Variants in IMMP2L observed in about 807,000 individuals in gnomAD.
IMMP2L encodes inner mitochondrial membrane peptidase subunit 2, also known as mitochondrial inner membrane protease subunit 2.
In IMMP2L, 18 loss-of-function variants were observed where a neutral mutation model predicts 19.3. The observed-to-expected ratio is 0.93, with a 90% CI of 0.64 to 1.38. IMMP2L has a LOEUF of 1.38. Ranked by LOEUF, IMMP2L falls within the 40% of genes most tolerant of loss-of-function variation. The pLI is 0.00. For synonymous variants in IMMP2L, 76 were observed against 73.0 expected, an observed-to-expected ratio of 1.04 and a Z score of -0.21; for missense variants, 233 against 218.2, an observed-to-expected ratio of 1.07 and a Z score of -0.43.
intron 5 of IMMP2L, among the ~76,000 whole-genome samples, chr7:110,856,741 C>T (rs903552564): frequency 3.3e-5 from 5 of 151,856 alleles, no homozygotes; most frequent in African/African-American, 4.8e-5. Flanking sequence ...GAATTGTTAC[C>T]GATTAACCAA....
intron 3 of IMMP2L, among the ~76,000 whole-genome samples, chr7:111,179,156 C>T (rs1807417082): frequency 6.6e-6 from 1 of 151,886 alleles, no homozygotes; most frequent in Non-Finnish European, 1.5e-5. Context: ...TCCTTCAGAG[C>T]TCTTAGATGA....
intron 3 of IMMP2L, among the ~76,000 whole-genome samples, chr7:111,403,368 T>C (rs1833636500): frequency 1.3e-5 from 2 of 152,012 alleles, no homozygotes; most frequent in Admixed American, 1.3e-4. Context: ...TGTAAGTCAA[T>C]TGAACCTCTT....
chr7:110,945,450 C>T (rs1023100087), intron 4 of IMMP2L, among the ~76,000 whole-genome samples: 1 of 151,842 alleles, frequency 6.6e-6, no homozygotes, highest in East Asian at 1.9e-4. Context: ...CTTGCACTTT[C>T]CCTTTTTGGG....
At chr7:111,198,238 T>C (rs905288404) in intron 3 of IMMP2L, among the ~76,000 whole-genome samples, 1 of 152,208 alleles carries the variant, frequency 6.6e-6, no homozygotes, top group Admixed American at 6.5e-5. Flanking sequence ...GGCTGAAGTT[T>C]TGATCTGATG....
intron 3 of IMMP2L, among the ~76,000 whole-genome samples, chr7:111,345,998 T>A (rs933009513): frequency 6.6e-6 from 1 of 152,194 alleles, no homozygotes; most frequent in African/African-American, 2.4e-5. Flanking sequence ...TAAATAGCTA[T>A]AGCTTATTCA....
At chr7:111,315,815 C>G (rs1322452882) in intron 3 of IMMP2L, among the ~76,000 whole-genome samples, 1 of 150,208 alleles carries the variant, frequency 6.7e-6, no homozygotes, top group Non-Finnish European at 1.5e-5. Context: ...TAAAAAAAAA[C>G]TTACTCTGGC....
intron 3 of IMMP2L, among the ~76,000 whole-genome samples, chr7:111,412,753 A>G (rs948151362): frequency 2.0e-4 from 30 of 151,822 alleles, no homozygotes; most frequent in Non-Finnish European, 7.4e-5. Context: ...TGGGAGACAG[A>G]ATTATTAATT....
intron 5 of IMMP2L, among the ~76,000 whole-genome samples, chr7:110,736,110 G>A (rs981106097): frequency 2.0e-5 from 3 of 152,068 alleles, no homozygotes; most frequent in Non-Finnish European, 2.9e-5. Flanking sequence ...GTAGGCCCAG[G>A]TGCAGCTTGG....
intron 3 of IMMP2L, among the ~76,000 whole-genome samples, chr7:111,009,447 T>C (rs1185416662): frequency 1.3e-5 from 2 of 152,042 alleles, no homozygotes; most frequent in African/African-American, 4.8e-5. Context: ...GGGCAGAAAT[T>C]GTATTGCTCA....
At chr7:111,304,500 TATATATATAAAATGTGTATATATAC>T in intron 3 of IMMP2L, among the ~76,000 whole-genome samples, 1 of 152,100 alleles carries the variant, frequency 6.6e-6, no homozygotes, top group East Asian at 1.9e-4. Context: ...CATAGGTGTG[TATATATATAAAATGTGTATATATAC>T]ATATATATAA....
rs538699260 is a variant in IMMP2L, at chr7:111,225,215, A to C, written c.240-261650T>G. Among the ~76,000 whole-genome samples the C allele has an allele frequency of 1.6e-4, 24 of 152,246 alleles. No homozygotes were observed. The South Asian group carries it at 4.4e-3, about 28-fold the overall frequency. ...AAACAACTGACAGTATTCATTACCA[A>C]TGATAACATTAAAGCTTTCAAGCAA... On this transcript the variant is annotated intron_variant, in intron 3 of 5. Coordinates refer to ENST00000405709, the MANE Select transcript of IMMP2L (RefSeq NM_032549.4).
chr7:110,750,650 C>T (rs1219754715), intron 5 of IMMP2L, among the ~76,000 whole-genome samples: 1 of 151,926 alleles, frequency 6.6e-6, no homozygotes, highest in African/African-American at 2.4e-5. Flanking sequence ...TAAATGCTGA[C>T]AAAATTGTAA....
At position 110,758,926 on chromosome 7, in the gene IMMP2L, G is replaced by A. The variant is rs556996321; in HGVS notation, c.409-95205C>T. The stretch of plus-strand genomic sequence containing the variant: ...ATGAAAAGTGCTTATAGACAGAGAC[G>A]TCTAGAAATGACCAGTGGAGATCTT... On this transcript the variant is annotated intron_variant, in intron 5 of 5. Coordinates refer to ENST00000405709, the MANE Select transcript of IMMP2L (RefSeq NM_032549.4). The surrounding 1 kb of genome is among the most constrained non-coding windows in gnomAD (Gnocchi z 4.6). Among the ~76,000 whole-genome samples the A allele has an allele frequency of 4.6e-5, 7 of 152,228 alleles. No homozygotes were observed. Among genetic ancestry groups the A allele is most frequent in the South Asian group, 2.1e-4 (1 of 4,826 alleles).
intron 4 of IMMP2L, among the ~76,000 whole-genome samples, chr7:110,933,603 G>A (rs948082806): frequency 9.2e-5 from 14 of 152,130 alleles, no homozygotes; most frequent in African/African-American, 2.2e-4. Context: ...TGCTTTATGC[G>A]TTTCATCATT....
intron 4 of IMMP2L, among the ~76,000 whole-genome samples, chr7:110,918,452 C>CTTTTTT (rs1029668134): frequency 6.9e-5 from 9 of 130,468 alleles, no homozygotes; most frequent in Admixed American, 1.6e-4. Context: ...TTCTTTTTTT[C>CTTTTTT]TTTTTTTTTT....
intron 3 of IMMP2L, among the ~76,000 whole-genome samples, chr7:111,379,372 T>C (rs1392015952): frequency 6.6e-6 from 1 of 151,840 alleles, no homozygotes; most frequent in East Asian, 1.9e-4. Flanking sequence ...ATATGTATTA[T>C]GCAAGATAAT....
chr7:111,124,661 T>G (rs371192203), intron 3 of IMMP2L: 5 of 1,613,846 alleles, frequency 3.1e-6, no homozygotes, highest in Non-Finnish European at 4.2e-6. Context: ...ACAACACTTA[T>G]GGCCTGTCTT....
At chr7:110,669,899 A>G (rs985927068) in intron 5 of IMMP2L, among the ~76,000 whole-genome samples, 1 of 152,292 alleles carries the variant, frequency 6.6e-6, no homozygotes, top group East Asian at 1.9e-4. Context: ...ACAAATAAGA[A>G]TATAGTTGCC....
At chr7:111,465,280 T>C (rs1411623598) in intron 3 of IMMP2L, among the ~76,000 whole-genome samples, 1 of 151,742 alleles carries the variant, frequency 6.6e-6, no homozygotes, top group South Asian at 2.1e-4. Context: ...TTCTGATAAA[T>C]CATCAATCCC....
Sources: allele counts gnomAD v4.1 joint callset (sites outside exome capture counted in the v4.1 genomes callset), GRCh38; gene constraint gnomAD v4.1.1; non-coding constraint Gnocchi (gnomAD v3.1); transcripts MANE v1.5; gene names NCBI Gene and HGNC (gene_info 2026-07-23, HGNC 2026-07-21).